GRM7: variants seen among roughly 807,000 people sequenced by gnomAD.
GRM7 encodes the protein glutamate metabotropic receptor 7, also known as metabotropic glutamate receptor 7.
A neutral mutation model predicts 84.5 loss-of-function variants in GRM7; 35 were observed. The observed-to-expected ratio is 0.41, with a 90% CI of 0.32 to 0.55. The LOEUF (loss-of-function observed/expected upper bound fraction) is 0.55, where lower values mean the gene tolerates loss of function less well. GRM7 is among the 20% of genes least tolerant of loss of function. The pLI, the probability that GRM7 is intolerant of heterozygous loss-of-function variation, is 0.19. For missense variants in GRM7, 1,003 were observed against 1,194.6 expected (o/e 0.84, Z 2.36); for synonymous variants, 487 against 455.1 (o/e 1.07, Z -0.89).
chr3:7,105,224 T>G (rs1219315181), intron 1 of GRM7, among the ~76,000 whole-genome samples: 1 of 151,848 alleles, frequency 6.6e-6, no homozygotes, highest in African/African-American at 2.4e-5. Context: ...GTGAAGACTT[T>G]TCCTGTTTTA....
intron 1 of GRM7, among the ~76,000 whole-genome samples, chr3:6,877,067 A>G (rs1695334034): frequency 6.6e-6 from 1 of 152,220 alleles, no homozygotes; most frequent in African/African-American, 2.4e-5. Context: ...ATTTTCCTTA[A>G]TATGGATGGA....
intron 8 of GRM7, among the ~76,000 whole-genome samples, chr3:7,677,293 A>T (rs1389496565): frequency 6.6e-6 from 1 of 150,476 alleles, no homozygotes; most frequent in Non-Finnish European, 1.5e-5. Flanking sequence ...AAAAAAAAAA[A>T]ACTTACATAT....
chr3:7,358,706 T>G (rs1397648158), intron 4 of GRM7, among the ~76,000 whole-genome samples: 1 of 151,064 alleles, frequency 6.6e-6, no homozygotes, highest in Non-Finnish European at 1.5e-5. Flanking sequence ...ACTGAATGCC[T>G]TTTGGGATAA....
intron 7 of GRM7, among the ~76,000 whole-genome samples, chr3:7,472,146 C>T (rs1250880448): frequency 6.6e-6 from 1 of 152,190 alleles, no homozygotes; most frequent in Non-Finnish European, 1.5e-5. Context: ...TCTCTGCACA[C>T]ACTGGCTTCT....
At chr3:7,080,178 A>T (rs906052482) in intron 1 of GRM7, among the ~76,000 whole-genome samples, 2 of 152,052 alleles carry the variant, frequency 1.3e-5, no homozygotes, top group Non-Finnish European at 2.9e-5. Flanking sequence ...TAATCCAAAA[A>T]TATGTGGTCA....
chr3:7,284,589 C>T (rs1028345795), intron 2 of GRM7, among the ~76,000 whole-genome samples: 3 of 151,942 alleles, frequency 2.0e-5, no homozygotes, highest in Non-Finnish European at 2.9e-5. Context: ...TTCTCTGATT[C>T]GGGTTTACTC....
At chr3:7,107,335 T>C (rs1210142941) in intron 1 of GRM7, among the ~76,000 whole-genome samples, 2 of 152,056 alleles carry the variant, frequency 1.3e-5, no homozygotes, top group Non-Finnish European at 2.9e-5. Context: ...ATTTATGTAA[T>C]ACGTTCTACA....
At chr3:7,327,872 G>A (rs894507789) in intron 4 of GRM7, among the ~76,000 whole-genome samples, 2 of 152,192 alleles carry the variant, frequency 1.3e-5, no homozygotes, top group African/African-American at 2.4e-5. Context: ...CATCTGCGTT[G>A]AGCAGGATGC....
chr3:7,094,033 C>A (rs950394517), intron 1 of GRM7, among the ~76,000 whole-genome samples: 6 of 152,030 alleles, frequency 3.9e-5, no homozygotes, highest in Non-Finnish European at 7.4e-5. Flanking sequence ...CTCTCTTTTA[C>A]TGATTTAACA....
chr3:7,424,258 T>A (rs1331089929), intron 5 of GRM7, among the ~76,000 whole-genome samples: 1 of 151,700 alleles, frequency 6.6e-6, no homozygotes. Context: ...TCTTTGTTGA[T>A]AGTGGTGATT....
In GRM7 at chr3:7,273,591, T is replaced by A. The variant is rs185165314; in HGVS notation, c.737-25093T>A. 2.6e-5 allele frequency among the ~76,000 whole-genome samples: 4 copies of A among 152,258 alleles called. No individual in the cohort carries two copies. The East Asian group carries it at 5.8e-4, about 22-fold the overall frequency. On this transcript the variant is annotated intron_variant, in intron 2 of 9. Transcript: ENST00000357716. The stretch of plus-strand genomic sequence containing the variant: ...TATGTCTTTATGGAGAGCTGATTCC[T>A]GTATCATGAAATACCCTTTTTGTCC...
At chr3:7,391,662 A>C (rs1356296396) in intron 4 of GRM7, among the ~76,000 whole-genome samples, 1 of 152,150 alleles carries the variant, frequency 6.6e-6, no homozygotes, top group African/African-American at 2.4e-5. Context: ...TACATATGTA[A>C]CAAACCTGCA....
chr3:6,909,657 C>T (rs1301493019), intron 1 of GRM7, among the ~76,000 whole-genome samples: 1 of 151,942 alleles, frequency 6.6e-6, no homozygotes, highest in Non-Finnish European at 1.5e-5. Context: ...GGAAATATGC[C>T]ACTACTTTTC....
At position 7,349,230 on chromosome 3, in the gene GRM7, T is replaced by C. The variant is rs564695141; in HGVS notation, c.1033+42578T>C. On this transcript the variant is annotated intron_variant, in intron 4 of 9. Coordinates refer to ENST00000357716, the MANE Select transcript of GRM7 (RefSeq NM_000844.4). ...TCCTCGTTGTAGTTTGATTTTCCTCTTCATTTTACTTACTTACAGCTTGAC... is the reference window on the plus strand; with the variant it reads ...TCCTCGTTGTAGTTTGATTTTCCTCCTCATTTTACTTACTTACAGCTTGAC... 7.9e-5 allele frequency among the ~76,000 whole-genome samples: 12 copies of C among 152,274 alleles called. No homozygotes were observed. The South Asian group carries it at 1.5e-3, about 18-fold the overall frequency.
intron 1 of GRM7, among the ~76,000 whole-genome samples, chr3:6,964,016 A>G (rs2125085663): frequency 6.6e-6 from 1 of 152,256 alleles, no homozygotes; most frequent in South Asian, 2.1e-4. Flanking sequence ...CTGCCTCCAT[A>G]TTCTCACCAC....
At chr3:6,903,800 T>C (rs895909834) in intron 1 of GRM7, among the ~76,000 whole-genome samples, 4 of 152,302 alleles carry the variant, frequency 2.6e-5, no homozygotes, top group Admixed American at 2.6e-4. Flanking sequence ...GTTCACATTT[T>C]AACTCTTGGA....
chr3:7,409,920 C>G (rs575257682), intron 4 of GRM7, among the ~76,000 whole-genome samples: 5 of 152,150 alleles, frequency 3.3e-5, no homozygotes, highest in Non-Finnish European at 7.4e-5. Flanking sequence ...TTTTTAGTTG[C>G]TTTTTCAAGG....
chr3:7,298,944 G>A (rs1699905171), intron 3 of GRM7, 119 bp downstream of exon 3: 15 of 902,744 alleles, frequency 1.7e-5, no homozygotes, highest in South Asian at 8.5e-5. Context: ...ATCATACAGC[G>A]GCGAAGTCTG....
chr3:7,628,962 G>A (rs1488602223), intron 8 of GRM7, among the ~76,000 whole-genome samples: 1 of 152,140 alleles, frequency 6.6e-6, no homozygotes, highest in Non-Finnish European at 1.5e-5. Flanking sequence ...CCTGGTTAGA[G>A]TAGGCATGAG....
Sources: allele counts gnomAD v4.1 joint callset (sites outside exome capture counted in the v4.1 genomes callset), GRCh38; gene constraint gnomAD v4.1.1; transcripts MANE v1.5; gene names NCBI Gene and HGNC (gene_info 2026-07-23, HGNC 2026-07-21).